The following RABGAP1L variants were observed in gnomAD, a reference collection of about 807,000 sequenced individuals.
RABGAP1L encodes the protein RAB GTPase activating protein 1 like.
Under a neutral mutation model 137.7 loss-of-function variants are expected in RABGAP1L, and 63 were observed. That is an observed-to-expected ratio of 0.46 (90% confidence interval 0.37 to 0.56). The LOEUF is 0.56. Among genes scored for constraint, RABGAP1L ranks in the 20% least tolerant of loss-of-function variants. RABGAP1L has a pLI of 0.00. For synonymous variants in RABGAP1L, 431 were observed against 433.7 expected (o/e 0.99, Z 0.08); for missense variants, 1,095 against 1,244.0 (o/e 0.88, Z 1.80).
intron 19 of RABGAP1L, among the ~76,000 whole-genome samples, chr1:174,842,645 A>C (rs1012500477): frequency 6.6e-6 from 1 of 152,218 alleles, no homozygotes; most frequent in Non-Finnish European, 1.5e-5. Context: ...GTAATATATT[A>C]GGCAGAGCTA....
intron 17 of RABGAP1L, among the ~76,000 whole-genome samples, chr1:174,737,911 T>C (rs1683088430): frequency 6.6e-6 from 1 of 152,128 alleles, no homozygotes; most frequent in African/African-American, 2.4e-5. Flanking sequence ...TTGTGTGAAC[T>C]ACCAGAGCCA....
At chr1:174,461,884 G>A (rs760433207) in intron 13 of RABGAP1L, among the ~76,000 whole-genome samples, 2 of 152,016 alleles carry the variant, frequency 1.3e-5, no homozygotes, top group South Asian at 4.1e-4. Context: ...CGTCTTAAAG[G>A]GGGGTGAATA....
chr1:174,676,773 T>C (rs529983685), intron 14 of RABGAP1L, among the ~76,000 whole-genome samples: 2 of 152,330 alleles, frequency 1.3e-5, no homozygotes, highest in South Asian at 4.1e-4. Flanking sequence ...AATAGATTAA[T>C]AGATATGGTG....
chr1:174,612,975 C>G (rs900390212), intron 13 of RABGAP1L, among the ~76,000 whole-genome samples: 5 of 151,576 alleles, frequency 3.3e-5, no homozygotes, highest in African/African-American at 9.7e-5. Flanking sequence ...TGCTAGTGGT[C>G]TATCAATTTT....
chr1:174,451,776 A>C (rs954019397), intron 13 of RABGAP1L, among the ~76,000 whole-genome samples: 1 of 151,982 alleles, frequency 6.6e-6, no homozygotes, highest in African/African-American at 2.4e-5. Context: ...CTTTGATCTT[A>C]AAAGTTTCTT....
chr1:174,958,370 T>C (rs559196700), intron 20 of RABGAP1L, among the ~76,000 whole-genome samples: 1 of 152,312 alleles, frequency 6.6e-6, no homozygotes, highest in Admixed American at 6.5e-5. Context: ...AAACACTTAT[T>C]TCCAACTTAT....
At chr1:174,732,627 C>G (rs1395831162) in intron 17 of RABGAP1L, among the ~76,000 whole-genome samples, 1 of 152,020 alleles carries the variant, frequency 6.6e-6, no homozygotes, top group Non-Finnish European at 1.5e-5. Flanking sequence ...GTTCTCTACT[C>G]TATTTTTTTT....
chr1:174,545,079 C>T (rs1665883974), intron 13 of RABGAP1L: 1 of 152,612 alleles, frequency 6.6e-6, no homozygotes, highest in South Asian at 2.1e-4. Context: ...GGCAGTCTGT[C>T]CATTCTCAGG....
At chr1:174,537,444 C>T (rs1664980918) in intron 13 of RABGAP1L, among the ~76,000 whole-genome samples, 1 of 152,152 alleles carries the variant, frequency 6.6e-6, no homozygotes, top group Non-Finnish European at 1.5e-5. Flanking sequence ...ACCTATTTTC[C>T]TAAGGAACAC....
At chr1:174,866,113 GAGAGAGA>G (rs1651176516) in intron 19 of RABGAP1L, among the ~76,000 whole-genome samples, 4 of 6,346 alleles carry the variant, frequency 6.3e-4, no homozygotes, top group South Asian at 8.1e-3. Context: ...GGGAGGGGGA[GAGAGAGA>G]GAGAGAGAGA....
At chr1:174,925,122 T>C (rs1278799277) in intron 19 of RABGAP1L, among the ~76,000 whole-genome samples, 1 of 151,560 alleles carries the variant, frequency 6.6e-6, no homozygotes, top group Middle Eastern at 3.2e-3. Flanking sequence ...TCCCAGCACT[T>C]TGGGAGGCTG....
chr1:174,176,272 C>T (rs1224420240), intron 1 of RABGAP1L, among the ~76,000 whole-genome samples: 2 of 152,076 alleles, frequency 1.3e-5, no homozygotes, highest in East Asian at 3.8e-4. Flanking sequence ...TTTTTGTAAC[C>T]TGTTACATTT....
At chr1:174,395,676 T>C (rs1647749849) in intron 13 of RABGAP1L, among the ~76,000 whole-genome samples, 1 of 152,060 alleles carries the variant, frequency 6.6e-6, no homozygotes, top group African/African-American at 2.4e-5. Context: ...ACACAACACC[T>C]TCTGATTTGT....
intron 13 of RABGAP1L, among the ~76,000 whole-genome samples, chr1:174,447,451 G>A (rs916133137): frequency 2.6e-5 from 4 of 152,148 alleles, no homozygotes; most frequent in Middle Eastern, 3.4e-3. Flanking sequence ...TGAGAAATAG[G>A]TTATAAATTT....
At chr1:174,942,157 G>A (rs1473340131) in intron 19 of RABGAP1L, among the ~76,000 whole-genome samples, 2 of 152,188 alleles carry the variant, frequency 1.3e-5, no homozygotes, top group African/African-American at 2.4e-5. Flanking sequence ...GCTCTAGTTA[G>A]CCATTAGTGC....
chr1:174,648,076 T>A (rs745818154), intron 14 of RABGAP1L, among the ~76,000 whole-genome samples: 7 of 152,148 alleles, frequency 4.6e-5, no homozygotes, highest in Non-Finnish European at 7.4e-5. Flanking sequence ...TTATTGTGTC[T>A]ATTTGATTCT....
rs1553271238 is a variant in RABGAP1L at position 174,881,516 on chromosome 1, T to TA, written c.2340+69559dup. ...GCTTTTTTTTTTTTTTTTTTTTTTTTAAATATGGAGTCTCGCTCTGTCACC... is the reference window on the plus strand; with the variant it reads ...GCTTTTTTTTTTTTTTTTTTTTTTTTAAAATATGGAGTCTCGCTCTGTCACC... On this transcript the variant is annotated intron_variant, in intron 19 of 25. Transcript: ENST00000681986. Among the ~76,000 whole-genome samples, 23 of 145,264 alleles carry TA rather than the reference T, an allele frequency of 1.6e-4. 1 individual carries two copies. The highest frequency in any genetic ancestry group is 2.1e-4 in the Non-Finnish European group (14 of 65,898).
intron 11 of RABGAP1L, among the ~76,000 whole-genome samples, chr1:174,307,706 T>G (rs1481015449): frequency 1.3e-5 from 2 of 152,204 alleles, no homozygotes; most frequent in African/African-American, 4.8e-5. Flanking sequence ...ACATTTTGTT[T>G]ATCCATTCAT....
chr1:174,185,274 G>A (rs1409288801), intron 1 of RABGAP1L, among the ~76,000 whole-genome samples: 2 of 152,150 alleles, frequency 1.3e-5, no homozygotes, highest in African/African-American at 2.4e-5. Context: ...AAAATCTACC[G>A]GTTAGGGATC....
Sources: gnomAD v4.1 joint callset for allele counts (sites outside exome capture counted in the v4.1 genomes callset) on GRCh38, gnomAD v4.1.1 for gene constraint, MANE v1.5 for transcripts, NCBI Gene and HGNC (gene_info 2026-07-23, HGNC 2026-07-21) for gene names.